CSPP1: variants seen among roughly 807,000 people sequenced by gnomAD.
The protein encoded by CSPP1 is centrosome and spindle pole associated protein 1, also known as centrosome and spindle pole-associated protein 1.
In CSPP1, 126 loss-of-function variants were observed where a neutral mutation model predicts 164.4. The observed-to-expected ratio is 0.77, with a 90% CI of 0.66 to 0.89. CSPP1 has a LOEUF of 0.89. CSPP1 is among the 40% of genes least tolerant of loss of function. The pLI is 0.00. For missense variants in CSPP1, 1,395 were observed against 1,449.8 expected, an observed-to-expected ratio of 0.96 and a Z score of 0.61; for synonymous variants, 472 against 476.7, an observed-to-expected ratio of 0.99 and a Z score of 0.13.
At chr8:67,176,451 C>T (rs891927439) in intron 26 of CSPP1, among the ~76,000 whole-genome samples, 3 of 152,096 alleles carry the variant, frequency 2.0e-5, no homozygotes, top group African/African-American at 7.2e-5. Context: ...TAGGGATTGT[C>T]GTCCCTTCAT....
intron 24 of CSPP1, among the ~76,000 whole-genome samples, chr8:67,170,678 T>C (rs1830292574): frequency 1.3e-5 from 2 of 152,206 alleles, no homozygotes; most frequent in African/African-American, 4.8e-5. Context: ...AATCATTCTA[T>C]TGTAATAAGG....
intron 3 of CSPP1, 61 bp downstream of exon 3, chr8:67,076,642 G>T: frequency 1.1e-6 from 1 of 919,042 alleles, no homozygotes; most frequent in Non-Finnish European, 1.7e-6. Context: ...TTCTGAAAGA[G>T]GTTTGTCTTG....
intron 13 of CSPP1, among the ~76,000 whole-genome samples, chr8:67,117,177 A>G (rs1366143083): frequency 2.0e-5 from 3 of 152,174 alleles, no homozygotes; most frequent in Admixed American, 6.5e-5. Flanking sequence ...ATAAATCTCT[A>G]TGAAATTCGA....
intron 9 of CSPP1, among the ~76,000 whole-genome samples, chr8:67,108,351 G>A (rs192598042): frequency 1.3e-5 from 2 of 151,880 alleles, no homozygotes; most frequent in East Asian, 1.9e-4. Context: ...GCAGTGAGCC[G>A]TGATTGTGCC....
At chr8:67,134,456 A>C (rs962584481) in intron 16 of CSPP1, 1 of 152,090 alleles carries the variant, frequency 6.6e-6, no homozygotes, top group Non-Finnish European at 1.5e-5. Context: ...CAGTGGACTT[A>C]AAATACTCAG....
intron 18 of CSPP1, among the ~76,000 whole-genome samples, chr8:67,153,163 C>G (rs1302061407): frequency 6.6e-6 from 1 of 152,128 alleles, no homozygotes; most frequent in African/African-American, 2.4e-5. Context: ...GATCATGCCA[C>G]TGCACTCCAG....
At chr8:67,181,477 G>C (rs1833027193) in intron 28 of CSPP1, among the ~76,000 whole-genome samples, 2 of 151,572 alleles carry the variant, frequency 1.3e-5, no homozygotes. Flanking sequence ...CTTCCTAACA[G>C]TGAAGATGGT....
At chr8:67,167,522 G>A (rs1394671955) in intron 24 of CSPP1, among the ~76,000 whole-genome samples, 3 of 150,094 alleles carry the variant, frequency 2.0e-5, no homozygotes, top group Non-Finnish European at 4.4e-5. Flanking sequence ...CGGGCGGAGG[G>A]GCTCCTCACT....
chr8:67,131,680 A>G (rs1247904243), intron 15 of CSPP1, among the ~76,000 whole-genome samples: 2 of 152,210 alleles, frequency 1.3e-5, no homozygotes, highest in African/African-American at 4.8e-5. Context: ...GTACTGTTCA[A>G]TGAATTACCA....
At chr8:67,092,059 T>G (rs1415400359) in intron 5 of CSPP1, among the ~76,000 whole-genome samples, 176 bp downstream of exon 5, 1 of 152,218 alleles carries the variant, frequency 6.6e-6, no homozygotes, top group Non-Finnish European at 1.5e-5. Flanking sequence ...AAAATTTTCT[T>G]GAACACAACA....
At chr8:67,132,395 G>T (rs1021584716) in intron 16 of CSPP1, among the ~76,000 whole-genome samples, 1 of 152,150 alleles carries the variant, frequency 6.6e-6, no homozygotes, top group African/African-American at 2.4e-5. Flanking sequence ...TAGTTAGGTT[G>T]TTCTAGCAGA....
chr8:67,073,021 ACACT>A (rs1301104748), intron 1 of CSPP1, among the ~76,000 whole-genome samples: 2 of 152,216 alleles, frequency 1.3e-5, no homozygotes, highest in Non-Finnish European at 2.9e-5. Flanking sequence ...GCAGATTAAA[ACACT>A]CAGAGAGATA....
chr8:67,107,589 C>T (rs1815845473), intron 9 of CSPP1, among the ~76,000 whole-genome samples: 1 of 151,996 alleles, frequency 6.6e-6, no homozygotes, highest in Non-Finnish European at 1.5e-5. Flanking sequence ...TGATCTTTTC[C>T]CCCCAAAACT....
intron 17 of CSPP1, among the ~76,000 whole-genome samples, chr8:67,140,216 TG>T (rs1367633856): frequency 6.6e-6 from 1 of 152,098 alleles, no homozygotes; most frequent in Non-Finnish European, 1.5e-5. Flanking sequence ...CCCAAGTAAC[TG>T]GGATTTATAG....
chr8:67,195,240 A>AAAACAAAC lies in CSPP1; in HGVS notation c.3470-136_3470-129dup, dbSNP rs3217664. 5.6e-6 allele frequency: 4 copies of AAAACAAAC among 711,902 alleles called. No individual in the cohort carries two copies. In the East Asian group the frequency reaches 1.0e-4, roughly 18 times the overall value. The allele number at this position is 711,902 out of a possible 1,614,324, so 44.1% of individuals were successfully genotyped here. The stretch of plus-strand genomic sequence containing the variant: ...AGGGTGGGGTGGGGTGAGTCTAACC[A>AAAACAAAC]AAACAAACAAACAGTAGAGTTCAGG... On this transcript the variant is annotated intron_variant, in intron 30 of 30. Transcript: ENST00000678616.
At chr8:67,119,667 C>T (rs545644130) in intron 15 of CSPP1, among the ~76,000 whole-genome samples, 2 of 152,154 alleles carry the variant, frequency 1.3e-5, no homozygotes, top group South Asian at 2.1e-4. Context: ...TTTTCCTATG[C>T]TTCTTGGCCA....
chr8:67,185,116 A>G (rs1179632401), intron 28 of CSPP1, among the ~76,000 whole-genome samples: 2 of 149,810 alleles, frequency 1.3e-5, no homozygotes, highest in Non-Finnish European at 2.9e-5. Context: ...AAAAAAAAAA[A>G]ACAAAAACAA....
At chr8:67,153,086 C>T (rs1283893401) in intron 18 of CSPP1, among the ~76,000 whole-genome samples, 1 of 152,122 alleles carries the variant, frequency 6.6e-6, no homozygotes, top group Non-Finnish European at 1.5e-5. Context: ...CCTGTAGTCC[C>T]AGCTACTTGG....
At chr8:67,074,872 C>T (rs1342775444) in intron 2 of CSPP1, 5 of 218,238 alleles carry the variant, frequency 2.3e-5, no homozygotes, top group Non-Finnish European at 4.6e-5. Context: ...CCTCCGCCTC[C>T]CAGGCTCAAG....
Sources: allele counts gnomAD v4.1 joint callset (sites outside exome capture counted in the v4.1 genomes callset), GRCh38; gene constraint gnomAD v4.1.1; transcripts MANE v1.5; gene names NCBI Gene and HGNC (gene_info 2026-07-23, HGNC 2026-07-21).